The following N4BP2 variants were observed in gnomAD, a reference collection of about 807,000 sequenced individuals.
N4BP2 encodes NEDD4-binding protein 2.
N4BP2 carries 91 observed loss-of-function variants against 152.8 expected under a neutral mutation model. The ratio of observed to expected loss-of-function variants is 0.60; its 90% CI spans 0.50 to 0.71. The LOEUF is 0.71. N4BP2 is among the 30% of genes least tolerant of loss of function. The pLI is 0.00. For synonymous variants in N4BP2, 646 were observed against 705.3 expected (o/e 0.92, Z 1.33); for missense variants, 1,923 against 2,059.1 (o/e 0.93, Z 1.28).
Position 40,121,506 on chromosome 4 carries a change from T to C in N4BP2, c.3395T>C (p.Leu1132Ser), listed in dbSNP as rs1369120564. 1 of 1,614,158 alleles carries C rather than the reference T, an allele frequency of 6.2e-7. No homozygotes were observed. Among genetic ancestry groups the C allele is most frequent in the African/African-American group, 1.3e-5 (1 of 75,044 alleles). The change falls in exon 9 of 18, where the codon TTA becomes TCA. Residue 1132 changes from leucine (L) to serine (S), a missense_variant. Physicochemically the swap from Leu to Ser is moderately radical, Grantham distance 145 (BLOSUM62 -2). Transcript: ENST00000261435. ...CTTTTGTTGGATTCTGAAACTAAGTTATGTGAGGATACAGAGTTTGAGAAT... is the reference window on the plus strand; with the variant it reads ...CTTTTGTTGGATTCTGAAACTAAGTCATGTGAGGATACAGAGTTTGAGAAT... ...TSLLLDSETK[L>S]CEDTEFENFQ...
intron 6 of N4BP2, among the ~76,000 whole-genome samples, 194 bp from the exon 7 acceptor site, chr4:40,113,238 T>G (rs1034461451): frequency 6.6e-6 from 1 of 152,220 alleles, no homozygotes; most frequent in Non-Finnish European, 1.5e-5. Context: ...ATAAATGCTC[T>G]TATATAAGTA....
the N4BP2 span, among the ~76,000 whole-genome samples, chr4:40,175,220 G>A: frequency 1.3e-5 from 2 of 151,438 alleles, no homozygotes; most frequent in East Asian, 1.9e-4. Context: ...ACAGGGTCTC[G>A]GTGTGTTACC....
intron 16 of N4BP2, among the ~76,000 whole-genome samples, chr4:40,148,208 G>C (rs1410009541): frequency 6.6e-6 from 1 of 152,116 alleles, no homozygotes; most frequent in African/African-American, 2.4e-5. Flanking sequence ...CGGCACCTCG[G>C]GAGGCCGAGG....
chr4:40,112,407 T>G (rs1344188135), intron 6 of N4BP2, among the ~76,000 whole-genome samples: 2 of 152,168 alleles, frequency 1.3e-5, no homozygotes, highest in African/African-American at 4.8e-5. Context: ...ATTGTTTTGT[T>G]TTTTGGGGTC....
At chr4:40,186,337 A>G in the N4BP2 span, among the ~76,000 whole-genome samples, 2 of 141,360 alleles carry the variant, frequency 1.4e-5, no homozygotes, top group Non-Finnish European at 3.2e-5. Flanking sequence ...ACAAGGGTTT[A>G]TAGAGAAAAC....
intron 14 of N4BP2, among the ~76,000 whole-genome samples, chr4:40,140,743 G>T (rs28447121): frequency 1.3e-5 from 2 of 151,672 alleles, no homozygotes; most frequent in South Asian, 2.1e-4. Context: ...GCGGCCTTCC[G>T]CAGTGTTTGT....
downstream of N4BP2, among the ~76,000 whole-genome samples, chr4:40,161,189 G>T (rs367587078): frequency 1.3e-5 from 2 of 152,178 alleles, no homozygotes; most frequent in Non-Finnish European, 2.9e-5. Context: ...TGATAATGCC[G>T]CCACTAGCTG....
At position 40,102,094 on chromosome 4, in the gene N4BP2, T is replaced by G; in HGVS notation, c.249T>G (p.Cys83Trp). The G allele has an allele frequency of 6.2e-7, 1 of 1,600,256 alleles. No individual in the cohort carries two copies. Among genetic ancestry groups the G allele is most frequent in the Non-Finnish European group, 8.5e-7 (1 of 1,173,330 alleles). The stretch of plus-strand genomic sequence containing the variant: ...GTACAGTTGAAAATGCTATGGATTG[T>G]CTATTAGAATTATCTGCCACTGATA... ...CDFKVENAMDCLLELSATDTK... is the reference protein window; with the variant it reads ...CDFKVENAMDWLLELSATDTK... Residue 83 changes from cysteine to tryptophan, a missense_variant, in exon 4 of 18, where the codon TGT becomes TGG. Cys to Trp is a radical substitution (Grantham distance 215). Transcript: ENST00000261435.
rs1221314746 is a variant in N4BP2 at position 40,092,008 on chromosome 4, T to TTATATATATATA, written c.-114-5192_-114-5181dup. Among the ~76,000 whole-genome samples the TTATATATATATA allele has an allele frequency of 3.9e-3, 107 of 27,200 alleles. 3 individuals are homozygous for TTATATATATATA. Among genetic ancestry groups the TTATATATATATA allele is most frequent in the Non-Finnish European group, 4.8e-3 (81 of 16,970 alleles). 17.8% of individuals were successfully genotyped at this position (27,200 alleles called of 152,430 possible). A position where few individuals can be genotyped will look rare whatever the true frequency, so the allele number is the denominator to read the frequency against. ...AAAAAAAAAAAAAAAAAAAAAAAAA[T>TTATATATATATA]TATATATATATATATATATATATAT... On this transcript the variant is annotated intron_variant, in intron 2 of 17. Coordinates refer to ENST00000261435, the MANE Select transcript of N4BP2 (RefSeq NM_018177.6).
intron 2 of N4BP2, among the ~76,000 whole-genome samples, chr4:40,093,000 A>G (rs964384290): frequency 4.0e-5 from 6 of 148,184 alleles, no homozygotes; most frequent in Admixed American, 1.4e-4. Flanking sequence ...CTGGAATGCA[A>G]TGGCGCAGTT....
the N4BP2 span, among the ~76,000 whole-genome samples, chr4:40,172,672 T>C: frequency 6.8e-6 from 1 of 147,492 alleles, no homozygotes; most frequent in African/African-American, 2.4e-5. Context: ...CCTCCAGAAC[T>C]ATGAGATGAT....
At chr4:40,099,058 T>C (rs1278223460) in intron 3 of N4BP2, among the ~76,000 whole-genome samples, 5 of 152,182 alleles carry the variant, frequency 3.3e-5, no homozygotes, top group Admixed American at 1.3e-4. Flanking sequence ...TTTTCTTTCT[T>C]TTGGCTTTTT....
chr4:40,171,518 C>T, the N4BP2 span, among the ~76,000 whole-genome samples: 12 of 152,104 alleles, frequency 7.9e-5, no homozygotes, highest in Admixed American at 2.6e-4. Flanking sequence ...GAATTATGTT[C>T]CCCCAAAATT....
In N4BP2 at chr4:40,088,568, T is replaced by C. The variant is rs1264527219; in HGVS notation, c.-114-8659T>C. On this transcript the variant is annotated intron_variant, in intron 2 of 17. Transcript: ENST00000261435. ...CGGGCTGGAGGGCAATATTGTGATC[T>C]CCGCTCACTGCAGCCTCCGCCTCCC... Among the ~76,000 whole-genome samples, 3 of 151,892 alleles carry C rather than the reference T, an allele frequency of 2.0e-5. No homozygotes were observed. In the East Asian group the frequency reaches 5.8e-4, roughly 29 times the overall value.
chr4:40,147,590 C>A (rs902549660), intron 16 of N4BP2, among the ~76,000 whole-genome samples: 1 of 145,638 alleles, frequency 6.9e-6, no homozygotes, highest in African/African-American at 2.6e-5. Context: ...TGGGGGCTGA[C>A]CCCCCCACCT....
At chr4:40,084,387 G>T (rs910109705) in intron 2 of N4BP2, among the ~76,000 whole-genome samples, 1 of 151,814 alleles carries the variant, frequency 6.6e-6, no homozygotes, top group Non-Finnish European at 1.5e-5. Context: ...AGATAGGGCA[G>T]GGTGGCAGAG....
chr4:40,172,299 C>A, the N4BP2 span, among the ~76,000 whole-genome samples: 2 of 152,130 alleles, frequency 1.3e-5, no homozygotes, highest in African/African-American at 2.4e-5. Context: ...TGTGCCTACC[C>A]AGATTGAGGG....
chr4:40,142,375 G>T, intron 14 of N4BP2: 2 of 310,666 alleles, frequency 6.4e-6, no homozygotes, highest in South Asian at 7.6e-5. Context: ...TTTTGAGACT[G>T]AACTCGCCTC....
the N4BP2 span, among the ~76,000 whole-genome samples, chr4:40,168,735 T>A: frequency 6.6e-6 from 1 of 152,012 alleles, no homozygotes; most frequent in Non-Finnish European, 1.5e-5. Flanking sequence ...TTTCTTCTTT[T>A]TTTTTTGAGA....
Sources: gnomAD v4.1 joint callset for allele counts (sites outside exome capture counted in the v4.1 genomes callset) on GRCh38, gnomAD v4.1.1 for gene constraint, MANE v1.5 for transcripts, NCBI Gene and HGNC (gene_info 2026-07-23, HGNC 2026-07-21) for gene names.